The following NOL10 variants were observed in gnomAD, a reference collection of about 807,000 sequenced individuals.
The protein encoded by NOL10 is nucleolar protein 10, also known as H_NH0074G24.1.
A neutral mutation model predicts 103.5 loss-of-function variants in NOL10; 58 were observed. That is an observed-to-expected ratio of 0.56 (90% CI 0.45 to 0.70). The LOEUF (loss-of-function observed/expected upper bound fraction) is 0.70, where lower values mean the gene tolerates loss of function less well. Ranked by LOEUF, NOL10 falls within the 30% of genes least tolerant of loss-of-function variation. The pLI, the probability that NOL10 is intolerant of heterozygous loss-of-function variation, is 0.00. For synonymous variants in NOL10, 287 were observed against 282.5 expected (o/e 1.02, Z -0.16); for missense variants, 763 against 807.3 (o/e 0.95, Z 0.67).
chr2:10,593,879 C>G (rs1340364623), intron 17 of NOL10, among the ~76,000 whole-genome samples: 1 of 152,148 alleles, frequency 6.6e-6, no homozygotes, highest in Non-Finnish European at 1.5e-5. Context: ...TTTACCCCCC[C>G]AAGCAGGAGG....
chr2:10,635,630 T>G (rs907565988), intron 13 of NOL10, among the ~76,000 whole-genome samples: 1 of 152,198 alleles, frequency 6.6e-6, no homozygotes, highest in African/African-American at 2.4e-5. Context: ...GCTGCCTTCC[T>G]TCACAGCGCT....
Position 10,644,311 on chromosome 2 carries a change from ATTAC to A in NOL10, c.1026+5_1026+8del. On this transcript the variant is annotated splice_donor_5th_base_variant and intron_variant, in intron 13 of 20. Transcript: ENST00000381685. ...TATTTTTACTGAAACTCCTCTTTGTATTACTTACTGGAATGTAATAGATGCCCAT... is the reference window on the plus strand; with the variant it reads ...TATTTTTACTGAAACTCCTCTTTGTATTACTGGAATGTAATAGATGCCCAT... The A allele has an allele frequency of 6.6e-7, 1 of 1,508,970 alleles. No homozygotes were observed. Among genetic ancestry groups the A allele is most frequent in the Non-Finnish European group, 8.9e-7 (1 of 1,127,830 alleles). 93.5% of individuals were successfully genotyped at this position (1,508,970 alleles called of 1,614,324 possible). A position where few individuals can be genotyped will look rare whatever the true frequency, so the allele number is the denominator to read the frequency against.
chr2:10,577,236 T>C (rs1156543912), intron 20 of NOL10, among the ~76,000 whole-genome samples: 3 of 152,214 alleles, frequency 2.0e-5, no homozygotes, highest in African/African-American at 7.2e-5. Flanking sequence ...AAAGTCCATA[T>C]ACATGCGAGG....
In NOL10 at chr2:10,653,582, C is replaced by G. The variant is rs139927898; in HGVS notation, c.973+899G>C. 4.7e-4 allele frequency among the ~76,000 whole-genome samples: 71 copies of G among 152,282 alleles called. 1 individual carries two copies. The East Asian group carries it at 0.014, about 29-fold the overall frequency. On this transcript the variant is annotated intron_variant, in intron 12 of 20. Transcript: ENST00000381685. ...TTAGCACATCATGCCCAACCCTCTA[C>G]CACCCACCACTCTCTGCCTCCCACT... is the stretch of plus-strand genomic sequence containing the variant.
intron 13 of NOL10, among the ~76,000 whole-genome samples, chr2:10,614,093 G>C (rs1676712634): frequency 6.6e-6 from 1 of 151,842 alleles, no homozygotes; most frequent in Non-Finnish European, 1.5e-5. Flanking sequence ...CCTAGTAGCT[G>C]GGACTACAGG....
At chr2:10,584,250 T>C (rs1423698278) in intron 19 of NOL10, among the ~76,000 whole-genome samples, 2 of 152,194 alleles carry the variant, frequency 1.3e-5, no homozygotes, top group Admixed American at 1.3e-4. Flanking sequence ...GCAGGCCATG[T>C]CGTTCTTCCC....
At chr2:10,659,760 C>T (rs1006832554) in intron 9 of NOL10, among the ~76,000 whole-genome samples, 1 of 152,058 alleles carries the variant, frequency 6.6e-6, no homozygotes, top group South Asian at 2.1e-4. Context: ...ATATACAAAA[C>T]GTAATCTACT....
intron 13 of NOL10, among the ~76,000 whole-genome samples, chr2:10,611,318 T>C (rs1399178903): frequency 6.6e-6 from 1 of 152,230 alleles, no homozygotes; most frequent in African/African-American, 2.4e-5. Flanking sequence ...CTTGTGCCAA[T>C]CTACTTGAGC....
chr2:10,680,299 A>AGGAGAAGAAGGAGAAGAG (rs1681650511), intron 3 of NOL10, among the ~76,000 whole-genome samples: 1 of 105,064 alleles, frequency 9.5e-6, no homozygotes, highest in African/African-American at 3.2e-5. Flanking sequence ...AAGGAGAAGA[A>AGGAGAAGAAGGAGAAGAG]GGAGAAGAGG....
chr2:10,631,071 A>C (rs1677810585), intron 13 of NOL10, among the ~76,000 whole-genome samples: 1 of 152,218 alleles, frequency 6.6e-6, no homozygotes, highest in Non-Finnish European at 1.5e-5. Flanking sequence ...CTCTGCTTAA[A>C]TGTGCACTTT....
intron 12 of NOL10, among the ~76,000 whole-genome samples, chr2:10,649,414 G>C (rs1489031795): frequency 7.1e-6 from 1 of 141,682 alleles, no homozygotes; most frequent in African/African-American, 2.7e-5. Flanking sequence ...TCCGCCTCCT[G>C]GTTTCAAGCA....
At chr2:10,630,641 G>C (rs532146896) in intron 13 of NOL10, among the ~76,000 whole-genome samples, 24 of 152,244 alleles carry the variant, frequency 1.6e-4, no homozygotes, top group African/African-American at 5.5e-4. Flanking sequence ...TGTGAACCTG[G>C]GAGGTGAAGC....
chr2:10,621,440 G>A lies in NOL10; in HGVS notation c.1027-14129C>T, dbSNP rs377130222. ...GAGACTCCATCTCTATAAAACATAC[G>A]AAAATTATCTGGGTGTGGTGGCACA... On this transcript the variant is annotated intron_variant, in intron 13 of 20. Coordinates refer to ENST00000381685, the MANE Select transcript of NOL10 (RefSeq NM_024894.4). Among the ~76,000 whole-genome samples the A allele has an allele frequency of 1.1e-4, 17 of 152,076 alleles. No homozygotes were observed. In the East Asian group the frequency reaches 3.3e-3, roughly 29 times the overall value.
At chr2:10,631,267 G>A (rs189902060) in intron 13 of NOL10, among the ~76,000 whole-genome samples, 50 of 152,204 alleles carry the variant, frequency 3.3e-4, no homozygotes, top group Non-Finnish European at 6.3e-4. Flanking sequence ...TGGACCAATC[G>A]TGGTCCTGAT....
chr2:10,582,389 A>G (rs1244418920), intron 19 of NOL10, among the ~76,000 whole-genome samples: 2 of 152,210 alleles, frequency 1.3e-5, no homozygotes, highest in East Asian at 3.9e-4. Flanking sequence ...ATGGAACTGA[A>G]AGGCTGCCTG....
At chr2:10,640,055 A>ATTAG (rs1222567659) in intron 13 of NOL10, among the ~76,000 whole-genome samples, 6 of 152,224 alleles carry the variant, frequency 3.9e-5, no homozygotes, top group Non-Finnish European at 5.9e-5. Flanking sequence ...AAGAACACTA[A>ATTAG]GTTGCCTTCA....
At chr2:10,651,958 G>C (rs542580502) in intron 12 of NOL10, among the ~76,000 whole-genome samples, 33 of 152,290 alleles carry the variant, frequency 2.2e-4, no homozygotes, top group Non-Finnish European at 4.3e-4. Context: ...AACAGCATGG[G>C]CAGCTGGGCG....
chr2:10,659,343 G>T (rs1680037475), intron 9 of NOL10, 93 bp from the exon 10 acceptor site: 12 of 35,376 alleles, frequency 3.4e-4, no homozygotes, highest in Admixed American at 1.0e-3. Context: ...AAATCTAATG[G>T]GGGGGGGGGG....
chr2:10,576,041 G>A (rs1674434141), intron 20 of NOL10, among the ~76,000 whole-genome samples: 1 of 152,190 alleles, frequency 6.6e-6, no homozygotes, highest in Admixed American at 6.5e-5. Flanking sequence ...GAAAATTTTA[G>A]AGAAATCAGA....
Sources: gnomAD v4.1 joint callset for allele counts (sites outside exome capture counted in the v4.1 genomes callset) on GRCh38, gnomAD v4.1.1 for gene constraint, MANE v1.5 for transcripts, NCBI Gene and HGNC (gene_info 2026-07-23, HGNC 2026-07-21) for gene names.